The following YEATS4 variants were observed in gnomAD, a reference collection of about 807,000 sequenced individuals.
YEATS4 encodes YEATS domain-containing protein 4.
YEATS4 carries 17 observed loss-of-function variants against 30.1 expected under a neutral mutation model. The ratio of observed to expected loss-of-function variants is 0.56; its 90% CI spans 0.39 to 0.85. The LOEUF (loss-of-function observed/expected upper bound fraction) is 0.85, where lower values mean the gene tolerates loss of function less well. Ranked by LOEUF, YEATS4 falls within the 40% of genes least tolerant of loss-of-function variation. The probability of loss-of-function intolerance (pLI) is 0.00; values close to 1 mark genes in which losing one functional copy is unlikely to be tolerated. For synonymous variants in YEATS4, 85 were observed against 87.5 expected (o/e 0.97, Z 0.16); for missense variants, 142 against 268.3 (o/e 0.53, Z 3.29).
chr12:69,421,012 G>A, the YEATS4 span, among the ~76,000 whole-genome samples: 17,032 of 152,148 alleles, frequency 0.11, 1,199 homozygotes, highest in East Asian at 0.19. Context: ...CCATTCTAGG[G>A]ATATGCCACA....
the YEATS4 span, among the ~76,000 whole-genome samples, chr12:69,397,922 G>GC: frequency 6.6e-6 from 1 of 152,260 alleles, no homozygotes; most frequent in Admixed American, 6.5e-5. Flanking sequence ...TGTTATGGCA[G>GC]CCTTAATAAC....
intron 6 of YEATS4, among the ~76,000 whole-genome samples, chr12:69,375,177 C>T (rs1875808905): frequency 1.3e-5 from 2 of 150,702 alleles, no homozygotes; most frequent in South Asian, 4.2e-4. Context: ...GGGCTCCTCA[C>T]TTCTCAGACG....
chr12:69,386,760 C>G (rs1385175022), intron 6 of YEATS4, among the ~76,000 whole-genome samples: 1 of 152,136 alleles, frequency 6.6e-6, no homozygotes, highest in Non-Finnish European at 1.5e-5. Flanking sequence ...TGACTAGTTT[C>G]TTAACATACA....
At chr12:69,398,828 AAC>A in the YEATS4 span, among the ~76,000 whole-genome samples, 33,640 of 135,466 alleles carry the variant, frequency 0.25, 4,713 homozygotes, top group African/African-American at 0.45. Flanking sequence ...AAAAAAAAAA[AAC>A]GGCAAATTGA....
intron 6 of YEATS4, among the ~76,000 whole-genome samples, chr12:69,379,030 C>G (rs745375048): frequency 2.0e-5 from 3 of 152,176 alleles, no homozygotes; most frequent in Non-Finnish European, 4.4e-5. Context: ...ATGTACTATT[C>G]TAGGACAAAA....
the YEATS4 span, among the ~76,000 whole-genome samples, chr12:69,412,316 A>G: frequency 6.6e-6 from 1 of 152,038 alleles, no homozygotes; most frequent in Non-Finnish European, 1.5e-5. Flanking sequence ...CTGAACCTGA[A>G]CCTTATCTCA....
At chr12:69,405,177 T>C in the YEATS4 span, among the ~76,000 whole-genome samples, 1 of 152,224 alleles carries the variant, frequency 6.6e-6, no homozygotes. Flanking sequence ...TCCTATGCAG[T>C]AGTTCCCACC....
At chr12:69,394,801 T>C (rs191226531), downstream of YEATS4, among the ~76,000 whole-genome samples, 1 of 152,294 alleles carries the variant, frequency 6.6e-6, no homozygotes, top group African/African-American at 2.4e-5. Flanking sequence ...GCCATAGTCT[T>C]GAACTCCTGG....
At chr12:69,369,189 C>T (rs892669085) in intron 4 of YEATS4, among the ~76,000 whole-genome samples, 1 of 148,524 alleles carries the variant, frequency 6.7e-6, no homozygotes, top group African/African-American at 2.6e-5. Flanking sequence ...AGAAATTACT[C>T]ACTCCTGTGC....
intron 4 of YEATS4, among the ~76,000 whole-genome samples, chr12:69,367,662 G>A (rs1410436902): frequency 2.6e-5 from 4 of 152,082 alleles, no homozygotes; most frequent in Admixed American, 1.3e-4. Context: ...CACCATGACC[G>A]GTCAAGAAAT....
chr12:69,377,622 ATTCCATGTGTTTGTATAGT>A (rs1236441543), intron 6 of YEATS4, among the ~76,000 whole-genome samples: 2 of 152,172 alleles, frequency 1.3e-5, no homozygotes, highest in African/African-American at 4.8e-5. Context: ...TATTGTTTAA[ATTCCATGTGTTTGTATAGT>A]TTCCAGAATT....
the YEATS4 span, chr12:69,400,992 T>A: frequency 6.6e-6 from 1 of 152,336 alleles, no homozygotes; most frequent in East Asian, 1.9e-4. Context: ...TGACCTGTAG[T>A]GCACTATGCT....
chr12:69,418,644 A>G, the YEATS4 span, among the ~76,000 whole-genome samples: 4 of 152,164 alleles, frequency 2.6e-5, no homozygotes, highest in Non-Finnish European at 4.4e-5. Flanking sequence ...TTTCTTCCAC[A>G]TATTTCCCTT....
chr12:69,399,669 A>G, the YEATS4 span, among the ~76,000 whole-genome samples: 4 of 152,366 alleles, frequency 2.6e-5, no homozygotes, highest in African/African-American at 9.6e-5. Flanking sequence ...AAACATGTCC[A>G]CACAAAAACT....
At chr12:69,402,338 T>TG in the YEATS4 span, among the ~76,000 whole-genome samples, 4 of 18,086 alleles carry the variant, frequency 2.2e-4, no homozygotes, top group Admixed American at 2.4e-3. Flanking sequence ...GGGCCATTCG[T>TG]TGTGGGCCTA....
the YEATS4 span, among the ~76,000 whole-genome samples, chr12:69,403,180 A>G: frequency 6.6e-6 from 1 of 152,162 alleles, no homozygotes; most frequent in South Asian, 2.1e-4. Flanking sequence ...CACCAACCCC[A>G]AGGGGACCTT....
intron 4 of YEATS4, among the ~76,000 whole-genome samples, chr12:69,369,690 G>A (rs1261220962): frequency 2.5e-4 from 38 of 152,148 alleles, no homozygotes; most frequent in Admixed American, 2.5e-3. Flanking sequence ...CCAGAAATTT[G>A]TTAAATTATT....
At position 69,362,013 on chromosome 12, in the gene YEATS4, G is replaced by GTTTTTTTTTTTTTTTT. The variant is rs533225716; in HGVS notation, c.52-769_52-754dup. Among the ~76,000 whole-genome samples the GTTTTTTTTTTTTTTTT allele has an allele frequency of 1.7e-3, 116 of 69,014 alleles. 4 individuals are homozygous for GTTTTTTTTTTTTTTTT. The highest frequency in any genetic ancestry group is 5.0e-3 in the African/African-American group (101 of 20,086). The allele number at this position is 69,014 out of a possible 152,430, so 45.3% of individuals were successfully genotyped here. On this transcript the variant is annotated intron_variant, in intron 1 of 6. Transcript: ENST00000247843. ...TTTTTAAATTGTAGGGTGTTTGGTT[G>GTTTTTTTTTTTTTTTT]TTTTTTTTTTTTTTTTTTTTTGGAG...
At chr12:69,403,848 C>G in the YEATS4 span, among the ~76,000 whole-genome samples, 23,671 of 152,050 alleles carry the variant, frequency 0.16, 1,842 homozygotes, top group East Asian at 0.19. Context: ...TTTTATATGA[C>G]CTCTCAGAAG....
Sources: gnomAD v4.1 joint callset for allele counts (sites outside exome capture counted in the v4.1 genomes callset) on GRCh38, gnomAD v4.1.1 for gene constraint, MANE v1.5 for transcripts, NCBI Gene and HGNC (gene_info 2026-07-23, HGNC 2026-07-21) for gene names.